Variants in CSGALNACT1 observed in about 807,000 individuals in gnomAD.
CSGALNACT1 encodes chondroitin sulfate N-acetylgalactosaminyltransferase 1, also known as beta4GalNAcT-1.
Under a neutral mutation model 51.0 loss-of-function variants are expected in CSGALNACT1, and 52 were observed. The observed-to-expected ratio is 1.02, with a 90% CI of 0.82 to 1.29. The LOEUF (loss-of-function observed/expected upper bound fraction) is 1.29, where lower values mean the gene tolerates loss of function less well. Ranked by LOEUF, CSGALNACT1 falls within the 50% of genes most tolerant of loss-of-function variation. The probability of loss-of-function intolerance (pLI) is 0.00; values close to 1 mark genes in which losing one functional copy is unlikely to be tolerated. For synonymous variants in CSGALNACT1, 341 were observed against 254.4 expected (o/e 1.34, Z -3.24); for missense variants, 935 against 679.2 (o/e 1.38, Z -4.19).
At chr8:19,633,630 G>C (rs2055598773) in intron 1 of CSGALNACT1, among the ~76,000 whole-genome samples, 2 of 152,196 alleles carry the variant, frequency 1.3e-5, no homozygotes, top group African/African-American at 2.4e-5. Flanking sequence ...GGAGGCAAGG[G>C]AGAGTTTTCC....
At chr8:19,736,447 C>A (rs573157398) in intron 1 of CSGALNACT1, among the ~76,000 whole-genome samples, 103 of 151,364 alleles carry the variant, frequency 6.8e-4, no homozygotes, top group Non-Finnish European at 1.2e-3. Context: ...TTTCTAATGT[C>A]TAAATATCAC....
intron 1 of CSGALNACT1, among the ~76,000 whole-genome samples, chr8:19,627,932 C>G (rs1218784210): frequency 6.6e-6 from 1 of 152,120 alleles, no homozygotes; most frequent in Non-Finnish European, 1.5e-5. Context: ...TGATAAAGTA[C>G]TATAACTATG....
intron 1 of CSGALNACT1, among the ~76,000 whole-genome samples, chr8:19,613,637 G>A (rs1009530462): frequency 3.3e-5 from 5 of 152,144 alleles, no homozygotes; most frequent in Admixed American, 3.3e-4. Flanking sequence ...TGTTCCTACT[G>A]GAGCTCTTTC....
chr8:19,735,398 A>G (rs1209058312), intron 1 of CSGALNACT1, among the ~76,000 whole-genome samples: 1 of 152,154 alleles, frequency 6.6e-6, no homozygotes, highest in African/African-American at 2.4e-5. Flanking sequence ...CACTTTAAAT[A>G]TAGGCCTCAA....
intron 9 of CSGALNACT1, among the ~76,000 whole-genome samples, 177 bp from the exon 9 acceptor site, chr8:19,406,246 A>G (rs1269223558): frequency 1.3e-5 from 2 of 152,106 alleles, no homozygotes; most frequent in South Asian, 4.1e-4. Context: ...ATTCCCCAAC[A>G]AAGACGACTT....
At chr8:19,719,198 T>A (rs1320855251) in intron 1 of CSGALNACT1, among the ~76,000 whole-genome samples, 1 of 152,230 alleles carries the variant, frequency 6.6e-6, no homozygotes, top group Non-Finnish European at 1.5e-5. Context: ...CCATCCTTGT[T>A]TTCTCTTGGA....
intron 3 of CSGALNACT1, among the ~76,000 whole-genome samples, chr8:19,535,349 C>T (rs946111280): frequency 2.0e-5 from 3 of 152,144 alleles, no homozygotes; most frequent in Admixed American, 2.0e-4. Context: ...AAACTAACGG[C>T]TCAAGATAAC....
intron 1 of CSGALNACT1, among the ~76,000 whole-genome samples, chr8:19,650,826 A>G (rs2057737737): frequency 6.6e-6 from 1 of 152,224 alleles, no homozygotes; most frequent in Admixed American, 6.5e-5. Context: ...GCTTCTTAGA[A>G]AAGTGACTAA....
chr8:19,562,484 G>GA (rs71304936), intron 3 of CSGALNACT1, among the ~76,000 whole-genome samples: 5,245 of 129,154 alleles, frequency 0.041, 94 homozygotes, highest in Middle Eastern at 0.07. Context: ...CTTCTGCACA[G>GA]AAAAAAAAAA....
intron 4 of CSGALNACT1, among the ~76,000 whole-genome samples, chr8:19,492,562 G>A (rs2074582894): frequency 6.6e-6 from 1 of 152,154 alleles, no homozygotes; most frequent in Non-Finnish European, 1.5e-5. Context: ...CCTGGGCCAA[G>A]CCTCACCTGT....
At chr8:19,751,717 C>A (rs142053860) in intron 1 of CSGALNACT1, among the ~76,000 whole-genome samples, 5 of 152,218 alleles carry the variant, frequency 3.3e-5, no homozygotes, top group African/African-American at 1.2e-4. Flanking sequence ...TTGCTGTTCT[C>A]GTGATAGAGT....
intron 2 of CSGALNACT1, among the ~76,000 whole-genome samples, chr8:19,593,337 T>C (rs867533469): frequency 4.6e-5 from 7 of 152,198 alleles, no homozygotes; most frequent in Non-Finnish European, 4.4e-5. Context: ...GAACAAGATA[T>C]ATAGGGACCT....
chr8:19,525,875 G>A (rs915554050), intron 3 of CSGALNACT1, among the ~76,000 whole-genome samples: 1 of 152,092 alleles, frequency 6.6e-6, no homozygotes, highest in Admixed American at 6.6e-5. Context: ...CTCCCTGAGG[G>A]ATTACTGCCA....
In CSGALNACT1 at chr8:19,492,144, C is replaced by A. The variant is rs577468562; in HGVS notation, c.634+13057G>T. ...CCTTTGGAAAATGTCTATAAATTTA[C>A]AGGATTTAAGTAACAAAATGCTAAC... On this transcript the variant is annotated intron_variant, in intron 4 of 9. Coordinates refer to ENST00000454498, the Ensembl canonical transcript of CSGALNACT1. 9.2e-5 allele frequency among the ~76,000 whole-genome samples: 14 copies of A among 152,334 alleles called. No individual in the cohort carries two copies. In the East Asian group the frequency reaches 1.4e-3, roughly 15 times the overall value.
chr8:19,514,313 G>A (rs1167451075), intron 3 of CSGALNACT1, among the ~76,000 whole-genome samples: 6 of 151,402 alleles, frequency 4.0e-5, no homozygotes, highest in South Asian at 2.1e-4. Context: ...GTACTGGCTC[G>A]GGTTTCACAC....
At chr8:19,418,784 GACAGATCC>G (rs1252623202) in intron 7 of CSGALNACT1, 34 bp from the exon 7 acceptor site, 2 of 1,435,588 alleles carry the variant, frequency 1.4e-6, no homozygotes, top group African/African-American at 1.4e-5. Context: ...CACTTAAAGT[GACAGATCC>G]AAGTAGTAGG....
exon 4 of CSGALNACT1, chr8:19,505,418 C>A: frequency 6.2e-7 from 1 of 1,614,176 alleles, no homozygotes. Context: ...ACTCTGTGGC[C>A]AGCTTGACGC....
chr8:19,504,934 A>G (rs2077026671), intron 4 of CSGALNACT1, among the ~76,000 whole-genome samples: 1 of 152,184 alleles, frequency 6.6e-6, no homozygotes, highest in African/African-American at 2.4e-5. Context: ...TCTATTTTTA[A>G]AATGAAAGGA....
chr8:19,559,318 G>C (rs985087170), intron 3 of CSGALNACT1, among the ~76,000 whole-genome samples: 5 of 152,122 alleles, frequency 3.3e-5, no homozygotes, highest in African/African-American at 4.8e-5. Context: ...AGTAAGAAGA[G>C]AAGGTCACTT....
Sources: gnomAD v4.1 joint callset for allele counts (sites outside exome capture counted in the v4.1 genomes callset) on GRCh38, gnomAD v4.1.1 for gene constraint, MANE v1.5 for transcripts, NCBI Gene and HGNC (gene_info 2026-07-23, HGNC 2026-07-21) for gene names.